ACOXL: variants seen among roughly 807,000 people sequenced by gnomAD.
ACOXL encodes the protein acyl-CoA oxidase like.
In ACOXL, 70 loss-of-function variants were observed where a neutral mutation model predicts 71.9. The observed-to-expected ratio is 0.97, with a 90% CI of 0.80 to 1.19. ACOXL has a LOEUF of 1.19. ACOXL is among the 50% of genes most tolerant of loss of function. The pLI is 0.00. For missense variants in ACOXL, 703 were observed against 736.3 expected, an observed-to-expected ratio of 0.95 and a Z score of 0.52; for synonymous variants, 253 against 281.6, an observed-to-expected ratio of 0.90 and a Z score of 1.02.
chr2:111,089,024 G>A (rs574547036), intron 16 of ACOXL, among the ~76,000 whole-genome samples: 3 of 152,282 alleles, frequency 2.0e-5, no homozygotes, highest in African/African-American at 7.2e-5. Context: ...TTTGGACCCA[G>A]GCACGGTGGC....
intron 17 of ACOXL, among the ~76,000 whole-genome samples, chr2:111,108,135 C>A (rs1040255945): frequency 4.6e-5 from 7 of 151,970 alleles, no homozygotes; most frequent in Non-Finnish European, 8.8e-5. Context: ...TTTCATAATG[C>A]AAGATAAGTT....
chr2:110,818,492 T>C (rs1194534736), intron 9 of ACOXL, among the ~76,000 whole-genome samples: 1 of 98,096 alleles, frequency 1.0e-5, no homozygotes, highest in African/African-American at 3.8e-5. Context: ...TGTATATATA[T>C]GTGTATGTGT....
At chr2:110,755,185 C>G (rs1679504046) in intron 1 of ACOXL, among the ~76,000 whole-genome samples, 1 of 152,156 alleles carries the variant, frequency 6.6e-6, no homozygotes, top group Non-Finnish European at 1.5e-5. Flanking sequence ...GACCTCATCA[C>G]ATCTCCAACA....
intron 16 of ACOXL, among the ~76,000 whole-genome samples, chr2:111,074,951 G>GTAT (rs2067524652): frequency 6.6e-6 from 1 of 152,134 alleles, no homozygotes; most frequent in African/African-American, 2.4e-5. Context: ...TGGTCATGAT[G>GTAT]TATTATTCTT....
At chr2:110,861,832 G>T (rs1023794966) in intron 10 of ACOXL, among the ~76,000 whole-genome samples, 14 of 152,082 alleles carry the variant, frequency 9.2e-5, no homozygotes, top group Admixed American at 6.6e-5. Context: ...TTTTCTCACC[G>T]GGCTGCACCT....
intron 13 of ACOXL, among the ~76,000 whole-genome samples, chr2:110,990,616 C>G (rs894695869): frequency 6.6e-5 from 10 of 152,176 alleles, no homozygotes; most frequent in Admixed American, 4.6e-4. Flanking sequence ...GAGACAGGGT[C>G]TTGTGCTGTC....
At chr2:111,026,642 G>T (rs149021928) in intron 14 of ACOXL, among the ~76,000 whole-genome samples, 71 of 152,022 alleles carry the variant, frequency 4.7e-4, no homozygotes, top group African/African-American at 1.6e-3. Flanking sequence ...AAATACAATT[G>T]ATTTTTGTAT....
At chr2:110,889,710 T>C (rs13426283) in intron 10 of ACOXL, among the ~76,000 whole-genome samples, 47,361 of 152,088 alleles carry the variant, frequency 0.31, 7,727 homozygotes, top group Middle Eastern at 0.38. Flanking sequence ...TTCCTTTGTA[T>C]ACCTATACCA....
intron 10 of ACOXL, among the ~76,000 whole-genome samples, chr2:110,869,943 G>A (rs1284622466): frequency 1.3e-5 from 2 of 152,258 alleles, no homozygotes; most frequent in Admixed American, 6.5e-5. Flanking sequence ...GGACTGCTCA[G>A]GGCCACCTTC....
At chr2:110,805,117 C>T in intron 8 of ACOXL, 146 bp from the exon 9 acceptor site, 4 of 1,053,250 alleles carry the variant, frequency 3.8e-6, no homozygotes, top group Non-Finnish European at 5.5e-6. Flanking sequence ...TCCCCCTGCC[C>T]TTATCGGCGC....
intron 14 of ACOXL, among the ~76,000 whole-genome samples, chr2:110,999,644 C>T (rs1029126583): frequency 6.6e-6 from 1 of 152,132 alleles, no homozygotes; most frequent in African/African-American, 2.4e-5. Context: ...AGATAAAATA[C>T]ATTATGACTT....
At chr2:110,824,847 T>TG (rs745865287) in intron 9 of ACOXL, among the ~76,000 whole-genome samples, 4 of 152,194 alleles carry the variant, frequency 2.6e-5, no homozygotes, top group Non-Finnish European at 5.9e-5. Flanking sequence ...ATCTTGGGAA[T>TG]GGGTTACATT....
intron 12 of ACOXL, among the ~76,000 whole-genome samples, chr2:110,975,411 T>TGTGA (rs1399467550): frequency 9.3e-6 from 1 of 107,382 alleles, no homozygotes; most frequent in Admixed American, 1.1e-4. Flanking sequence ...CATATGTTTG[T>TGTGA]GTGAGTGTGT....
chr2:110,885,349 T>C (rs1476205289), intron 10 of ACOXL, among the ~76,000 whole-genome samples: 2 of 152,234 alleles, frequency 1.3e-5, no homozygotes. Flanking sequence ...TTAATGATTA[T>C]GTAAGTTGGC....
At chr2:110,869,307 T>C (rs1490322626) in intron 10 of ACOXL, among the ~76,000 whole-genome samples, 1 of 152,174 alleles carries the variant, frequency 6.6e-6, no homozygotes, top group African/African-American at 2.4e-5. Flanking sequence ...ATGCAGTCGT[T>C]GTTGGCATTG....
intron 14 of ACOXL, among the ~76,000 whole-genome samples, chr2:111,006,733 A>G (rs1358250242): frequency 6.6e-6 from 1 of 151,798 alleles, no homozygotes; most frequent in Non-Finnish European, 1.5e-5. Context: ...TAATTTTTGT[A>G]TTTTTAGTAG....
At chr2:110,869,353 CTG>C (rs1417551702) in intron 10 of ACOXL, among the ~76,000 whole-genome samples, 7 of 152,332 alleles carry the variant, frequency 4.6e-5, no homozygotes, top group Non-Finnish European at 8.8e-5. Context: ...CACTTCCAGA[CTG>C]TGTGTCAAAA....
intron 16 of ACOXL, among the ~76,000 whole-genome samples, chr2:111,092,629 G>A (rs1453081054): frequency 3.3e-5 from 5 of 152,036 alleles, no homozygotes; most frequent in Non-Finnish European, 7.4e-5. Flanking sequence ...ATATATGGGA[G>A]TTCGTTATGC....
intron 17 of ACOXL, chr2:111,114,353 C>T (rs1205098182): frequency 6.6e-6 from 1 of 152,254 alleles, no homozygotes; most frequent in Non-Finnish European, 1.5e-5. Context: ...GGATTCAAAG[C>T]TTCTTAAGGC....
Sources: allele counts gnomAD v4.1 joint callset (sites outside exome capture counted in the v4.1 genomes callset), GRCh38; gene constraint gnomAD v4.1.1; transcripts MANE v1.5; gene names NCBI Gene and HGNC (gene_info 2026-07-23, HGNC 2026-07-21).